CAMTA1: variants seen among roughly 807,000 people sequenced by gnomAD.
The protein encoded by CAMTA1 is calmodulin-binding transcription activator 1.
In CAMTA1, 27 loss-of-function variants were observed where a neutral mutation model predicts 170.9. The observed-to-expected ratio is 0.16, with a 90% CI of 0.12 to 0.22. The LOEUF (loss-of-function observed/expected upper bound fraction) is 0.22. Among genes scored for constraint, CAMTA1 ranks in the 10% least tolerant of loss-of-function variants. The pLI is 1.00. For synonymous variants in CAMTA1, 833 were observed against 891.5 expected (o/e 0.93, Z 1.17); for missense variants, 1,619 against 2,217.2 (o/e 0.73, Z 5.42).
chr1:6,976,973 A>T (rs147171005), intron 3 of CAMTA1, among the ~76,000 whole-genome samples: 1,811 of 152,276 alleles, frequency 0.012, 33 homozygotes, highest in African/African-American at 0.042. Context: ...CTGCCATGTA[A>T]GACATGCCTT....
rs1397851159 is a variant in CAMTA1 at position 7,251,306 on chromosome 1, A to G, written c.438+1680A>G. 6.6e-6 allele frequency among the ~76,000 whole-genome samples: 1 copy of G among 152,206 alleles called. No individual in the cohort carries two copies. The highest frequency in any genetic ancestry group is 2.4e-5 in the African/African-American group (1 of 41,460). On this transcript the variant is annotated intron_variant, in intron 5 of 22. Coordinates refer to ENST00000303635, the MANE Select transcript of CAMTA1 (RefSeq NM_015215.4). This position sits in a 1 kb window ranked among gnomAD's most constrained non-coding sequence, Gnocchi z 5.1. The stretch of plus-strand genomic sequence containing the variant: ...ATAAATTAGAGTTGTCACTGGATGG[A>G]ATCAGAATGATTTATGGCTATTTGT...
chr1:7,028,486 T>C (rs1262320438), intron 3 of CAMTA1, among the ~76,000 whole-genome samples: 2 of 152,230 alleles, frequency 1.3e-5, no homozygotes, highest in Non-Finnish European at 2.9e-5. Flanking sequence ...GGTCCCTGGT[T>C]GCCCTCTGAA....
Position 7,533,993 on chromosome 1 carries a change from C to T in CAMTA1, c.510+66092C>T, listed in dbSNP as rs994488666. 7.9e-5 allele frequency among the ~76,000 whole-genome samples: 12 copies of T among 152,124 alleles called. No individual in the cohort carries two copies. The South Asian group carries it at 2.1e-3, about 26-fold the overall frequency. On this transcript the variant is annotated intron_variant, in intron 6 of 22. Coordinates refer to ENST00000303635, the MANE Select transcript of CAMTA1 (RefSeq NM_015215.4). ...CCAGGAGCAGGGCCCTTCTGGATGC[C>T]GCATGGTCAAGCCTCATCTACTGTA...
intron 4 of CAMTA1, among the ~76,000 whole-genome samples, chr1:7,134,058 C>A (rs559364268): frequency 6.6e-6 from 1 of 152,184 alleles, no homozygotes; most frequent in African/African-American, 2.4e-5. Context: ...CTCCCTGACT[C>A]CCCCCAGGTA....
intron 6 of CAMTA1, among the ~76,000 whole-genome samples, chr1:7,583,682 T>C (rs923579226): frequency 3.3e-5 from 5 of 152,148 alleles, no homozygotes; most frequent in African/African-American, 9.7e-5. Context: ...GACCAGACTC[T>C]GAGGGTCGTC....
chr1:6,885,581 C>T (rs1672985530), intron 3 of CAMTA1, among the ~76,000 whole-genome samples: 1 of 152,188 alleles, frequency 6.6e-6, no homozygotes, highest in South Asian at 2.1e-4. Flanking sequence ...GCCTTTGCCC[C>T]CATCCCTCGT....
chr1:6,982,393 T>C (rs562334939), intron 3 of CAMTA1, among the ~76,000 whole-genome samples: 12 of 152,154 alleles, frequency 7.9e-5, no homozygotes, highest in Non-Finnish European at 1.8e-4. Context: ...CCACAGGCAA[T>C]TGGGAATCCC....
chr1:6,834,789 C>T (rs1417316912), intron 3 of CAMTA1, among the ~76,000 whole-genome samples: 1 of 152,152 alleles, frequency 6.6e-6, no homozygotes, highest in African/African-American at 2.4e-5. Context: ...AGGCGTGTGC[C>T]ACGCCCAGCT....
intron 5 of CAMTA1, among the ~76,000 whole-genome samples, chr1:7,362,956 T>C (rs941635479): frequency 2.0e-5 from 3 of 152,088 alleles, no homozygotes; most frequent in Admixed American, 6.6e-5. Context: ...TGGGTAGAGG[T>C]GGTGGACTTG....
At chr1:6,983,184 T>C (rs1694726201) in intron 3 of CAMTA1, among the ~76,000 whole-genome samples, 1 of 152,192 alleles carries the variant, frequency 6.6e-6, no homozygotes, top group Admixed American at 6.5e-5. Flanking sequence ...AGAAAGAATC[T>C]AAGAGTATGT....
intron 3 of CAMTA1, among the ~76,000 whole-genome samples, chr1:6,843,915 G>A (rs1241852437): frequency 3.3e-5 from 5 of 152,208 alleles, no homozygotes; most frequent in Admixed American, 3.3e-4. Flanking sequence ...AGAGCAGGGG[G>A]AGCTTTCATG....
At chr1:6,811,780 G>C (rs181608703) in intron 1 of CAMTA1, among the ~76,000 whole-genome samples, 1 of 152,182 alleles carries the variant, frequency 6.6e-6, no homozygotes. Context: ...GGCTGTGTTC[G>C]GATTAAGGGA....
At chr1:7,033,588 C>CTTTTTTTTTT (rs34282545) in intron 3 of CAMTA1, among the ~76,000 whole-genome samples, 2 of 95,130 alleles carry the variant, frequency 2.1e-5, no homozygotes, top group Non-Finnish European at 3.9e-5. Flanking sequence ...TGTAAATATT[C>CTTTTTTTTTT]TTTTTTTTTT....
At chr1:6,937,363 C>T (rs1685531146) in intron 3 of CAMTA1, among the ~76,000 whole-genome samples, 3 of 151,962 alleles carry the variant, frequency 2.0e-5, no homozygotes, top group Non-Finnish European at 2.9e-5. Context: ...TCATCACCAT[C>T]ACCATCACCA....
At chr1:7,295,215 G>A (rs1309936476) in intron 5 of CAMTA1, among the ~76,000 whole-genome samples, 1 of 152,158 alleles carries the variant, frequency 6.6e-6, no homozygotes, top group Non-Finnish European at 1.5e-5. Flanking sequence ...CTGGAACGGG[G>A]CAACACATGG....
chr1:7,034,974 T>A (rs906867444), intron 3 of CAMTA1, among the ~76,000 whole-genome samples: 1 of 152,244 alleles, frequency 6.6e-6, no homozygotes, highest in Non-Finnish European at 1.5e-5. Flanking sequence ...CTCATTTAGC[T>A]TGTAACTCAG....
Position 6,883,541 on chromosome 1 carries a change from C to T in CAMTA1, c.234+58331C>T, listed in dbSNP as rs143153202. 5.2e-3 allele frequency among the ~76,000 whole-genome samples: 796 copies of T among 152,096 alleles called. 3 individuals are homozygous for T. Among genetic ancestry groups the T allele is most frequent in the Middle Eastern group, 0.02 (6 of 294 alleles). On this transcript the variant is annotated intron_variant, in intron 3 of 22. Transcript: ENST00000303635. ...GGAGGCATAAGGGAGTTGAGCATTG[C>T]GCAGAAGAATCGATGTGAGGATTGA...
chr1:7,409,232 C>G (rs2090526190), intron 5 of CAMTA1, among the ~76,000 whole-genome samples: 1 of 152,212 alleles, frequency 6.6e-6, no homozygotes, highest in African/African-American at 2.4e-5. Flanking sequence ...GATGGAGAGA[C>G]AGAGCGGACC....
At chr1:7,151,364 T>A (rs1646566542) in intron 4 of CAMTA1, among the ~76,000 whole-genome samples, 1 of 152,214 alleles carries the variant, frequency 6.6e-6, no homozygotes, top group Non-Finnish European at 1.5e-5. Flanking sequence ...CTTTCCTTCC[T>A]CGGCCCCTCT....
Sources: gnomAD v4.1 joint callset for allele counts (sites outside exome capture counted in the v4.1 genomes callset) on GRCh38, gnomAD v4.1.1 for gene constraint, Gnocchi (gnomAD v3.1) non-coding constraint, MANE v1.5 for transcripts, NCBI Gene and HGNC (gene_info 2026-07-23, HGNC 2026-07-21) for gene names.